The following SLC36A4 variants were observed in gnomAD, a reference collection of about 807,000 sequenced individuals.
The protein encoded by SLC36A4 is neutral amino acid uniporter 4.
Under a neutral mutation model 50.5 loss-of-function variants are expected in SLC36A4, and 49 were observed. That is an observed-to-expected ratio of 0.97 (90% CI 0.77 to 1.23). The LOEUF (loss-of-function observed/expected upper bound fraction) is 1.23, where lower values mean the gene tolerates loss of function less well. SLC36A4 is among the 50% of genes most tolerant of loss of function. The pLI, the probability that SLC36A4 is intolerant of heterozygous loss-of-function variation, is 0.00. For synonymous variants in SLC36A4, 207 were observed against 206.5 expected, an observed-to-expected ratio of 1.00 and a Z score of -0.02; for missense variants, 611 against 608.4, an observed-to-expected ratio of 1.00 and a Z score of -0.05.
chr11:93,197,269 A>C (rs1193881962), intron 1 of SLC36A4: 1 of 154,474 alleles, frequency 6.5e-6, no homozygotes, highest in Non-Finnish European at 1.4e-5. Context: ...AAAGCAGCAA[A>C]AAACAAACAA....
At chr11:93,162,200 C>A (rs924878337) in intron 9 of SLC36A4, among the ~76,000 whole-genome samples, 3 of 152,042 alleles carry the variant, frequency 2.0e-5, no homozygotes, top group Admixed American at 6.6e-5. Flanking sequence ...GGAAAAAACT[C>A]CAATTTTAAA....
chr11:93,159,855 C>T (rs1860539421), intron 9 of SLC36A4: 4 of 985,236 alleles, frequency 4.1e-6, no homozygotes, highest in Non-Finnish European at 4.8e-6. Context: ...GCAGAAATAA[C>T]CCTAATATAC....
chr11:93,157,418 T>C (rs1860417883), intron 9 of SLC36A4, among the ~76,000 whole-genome samples: 3 of 152,228 alleles, frequency 2.0e-5, no homozygotes, highest in Admixed American at 2.0e-4. Flanking sequence ...GCATTAAAAC[T>C]ATAAATTGCT....
chr11:93,170,396 C>A (rs1159527574), intron 6 of SLC36A4, among the ~76,000 whole-genome samples: 2 of 152,020 alleles, frequency 1.3e-5, no homozygotes, highest in East Asian at 3.9e-4. Flanking sequence ...AGTTATAGTA[C>A]CCTACATTTG....
intron 9 of SLC36A4, among the ~76,000 whole-genome samples, chr11:93,161,161 GA>G (rs1444252439): frequency 6.6e-6 from 1 of 151,972 alleles, no homozygotes; most frequent in African/African-American, 2.4e-5. Context: ...TCTAAATGAG[GA>G]AAAAATATCA....
At chr11:93,174,043 A>G (rs1202897975) in intron 6 of SLC36A4, among the ~76,000 whole-genome samples, 4 of 150,704 alleles carry the variant, frequency 2.7e-5, no homozygotes. Context: ...TGGGCAGTAT[A>G]GCCATTTTCA....
intron 6 of SLC36A4, among the ~76,000 whole-genome samples, chr11:93,172,552 C>T (rs375729971): frequency 4.6e-5 from 7 of 150,978 alleles, no homozygotes; most frequent in Non-Finnish European, 4.4e-5. Context: ...CCCACTAACT[C>T]GTCATCTAGC....
chr11:93,182,671 T>C, intron 4 of SLC36A4, 135 bp downstream of exon 4: 1 of 509,012 alleles, frequency 2.0e-6, no homozygotes, highest in Non-Finnish European at 3.4e-6. Context: ...TGCTACCTTC[T>C]TCCATATTCA....
At position 93,147,882 on chromosome 11, in the gene SLC36A4, A is replaced by G. The variant is rs950955085; in HGVS notation, c.*655T>C. The G allele has an allele frequency of 6.6e-6, 1 of 152,080 alleles. No homozygotes were observed. The highest frequency in any genetic ancestry group is 2.4e-5 in the African/African-American group (1 of 41,432). 9.4% of individuals were successfully genotyped at this position (152,080 alleles called of 1,614,324 possible). On this transcript the variant is annotated 3_prime_UTR_variant, in exon 11 of 11. Coordinates refer to ENST00000326402, the MANE Select transcript of SLC36A4 (RefSeq NM_152313.4). The stretch of plus-strand genomic sequence containing the variant: ...GGATAAGTTTTAAAGTCCCTTTTCA[A>G]ATTTCATTGAAACACTAAGTCATGA...
At position 93,148,548 on chromosome 11, in the gene SLC36A4, C is replaced by A; in HGVS notation, c.1504G>T (p.Gly502Cys). The A allele has an allele frequency of 6.2e-7, 1 of 1,606,676 alleles. No homozygotes were observed. The highest frequency in any genetic ancestry group is 2.2e-5 in the East Asian group (1 of 44,754). ...LNLNSTCLTS[G>C]LK ...TGATTCTGCTTTTACTATTTCAAACCAGATGTTAAGCATGTTGAATTCAAA... is the reference window on the plus strand; with the variant it reads ...TGATTCTGCTTTTACTATTTCAAACAAGATGTTAAGCATGTTGAATTCAAA... The change falls in exon 11 of 11, where the codon GGT becomes TGT. Residue 502 changes from glycine (G) to cysteine (C), a missense_variant. Coordinates refer to ENST00000326402, the MANE Select transcript of SLC36A4 (RefSeq NM_152313.4).
intron 1 of SLC36A4, chr11:93,197,562 A>G: frequency 1.7e-6 from 1 of 574,322 alleles, no homozygotes; most frequent in Non-Finnish European, 3.0e-6. Flanking sequence ...ACACACACAC[A>G]CATATTTTAA....
chr11:93,171,475 G>C (rs1203199468), intron 6 of SLC36A4: 1 of 151,964 alleles, frequency 6.6e-6, no homozygotes, highest in Non-Finnish European at 1.5e-5. Context: ...ATGACTTAGG[G>C]CACACTACTC....
chr11:93,156,484 A>G (rs1363750489), intron 9 of SLC36A4, among the ~76,000 whole-genome samples: 1 of 150,660 alleles, frequency 6.6e-6, no homozygotes, highest in African/African-American at 2.5e-5. Context: ...CAGCAGCTCA[A>G]TCTTAGCTCA....
chr11:93,178,884 T>C (rs562221047), intron 6 of SLC36A4, among the ~76,000 whole-genome samples: 11 of 152,272 alleles, frequency 7.2e-5, no homozygotes, highest in Admixed American at 2.6e-4. Context: ...GGCATCCAAA[T>C]TGGTAAAGAG....
chr11:93,188,362 A>G (rs1327233383), intron 1 of SLC36A4, among the ~76,000 whole-genome samples: 1 of 152,218 alleles, frequency 6.6e-6, no homozygotes, highest in Non-Finnish European at 1.5e-5. Context: ...AAGATGCTTG[A>G]AAACAGTCTA....
At position 93,168,058 on chromosome 11, in the gene SLC36A4, T is replaced by G; in HGVS notation, c.654A>C (p.Pro218=). 6.2e-7 allele frequency: 1 copy of G among 1,612,422 alleles called. No homozygotes were observed. Among genetic ancestry groups the G allele is most frequent in the East Asian group, 2.2e-5 (1 of 44,804 alleles). The change falls in exon 7 of 11, where the codon CCA becomes CCC. Residue 218 remains proline (P), a synonymous_variant. Coordinates refer to ENST00000326402, the MANE Select transcript of SLC36A4 (RefSeq NM_152313.4). ...GAATGAAGACCAAAAGAATTATAAA[T>G]GGAAGAAAGCAAAGCATATATATCC... ...DLRIYMLCFL[P]FIILLVFIRE...
intron 3 of SLC36A4, among the ~76,000 whole-genome samples, chr11:93,183,465 CAA>C (rs1453036443): frequency 6.6e-6 from 1 of 151,998 alleles, no homozygotes; most frequent in Non-Finnish European, 1.5e-5. Context: ...TTTTTATAAT[CAA>C]AAGTTTTTAT....
Position 93,162,762 on chromosome 11 carries a change from C to T in SLC36A4, c.981G>A (p.Met327Ile). Residue 327 changes from methionine (M) to isoleucine (I), a missense_variant, in exon 9 of 11, where the codon ATG becomes ATA. Physicochemically the swap from Met to Ile is conservative, Grantham distance 10. Coordinates refer to ENST00000326402, the MANE Select transcript of SLC36A4 (RefSeq NM_152313.4). ...TGCCTTTGATTTCATCATGGAAACACATATATCCTAAAGTAGCTAATGTTA... is the reference window on the plus strand; with the variant it reads ...TGCCTTTGATTTCATCATGGAAACATATATATCCTAAAGTAGCTAATGTTA... ...LYVTLATLGY[M>I]CFHDEIKGSI... The T allele has an allele frequency of 1.9e-6, 3 of 1,613,484 alleles. No individual in the cohort carries two copies. Among genetic ancestry groups the T allele is most frequent in the Non-Finnish European group, 2.5e-6 (3 of 1,179,748 alleles).
In SLC36A4 at chr11:93,175,283, C is replaced by T. The variant is rs1443220310; in HGVS notation, c.540+5514G>A. On this transcript the variant is annotated intron_variant, in intron 6 of 10. Transcript: ENST00000326402. ...ATGGTAGTTTGTATTTCTGTGGGATCGGTGATGATATCCCCTTTATCATTT... is the reference window on the plus strand; with the variant it reads ...ATGGTAGTTTGTATTTCTGTGGGATTGGTGATGATATCCCCTTTATCATTT... 1.3e-3 allele frequency among the ~76,000 whole-genome samples: 192 copies of T among 152,044 alleles called. 1 individual carries two copies. Among genetic ancestry groups the T allele is most frequent in the African/African-American group, 4.3e-3 (179 of 41,496 alleles).
Sources: allele counts gnomAD v4.1 joint callset (sites outside exome capture counted in the v4.1 genomes callset), GRCh38; gene constraint gnomAD v4.1.1; transcripts MANE v1.5; gene names NCBI Gene and HGNC (gene_info 2026-07-23, HGNC 2026-07-21).